Variants in SLIT2 observed in about 807,000 individuals in gnomAD.
The protein encoded by SLIT2 is slit homolog 2 protein.
In SLIT2, 41 loss-of-function variants were observed where a neutral mutation model predicts 185.7. That is an observed-to-expected ratio of 0.22 (90% CI 0.17 to 0.29). SLIT2 has a LOEUF of 0.29. Ranked by LOEUF, SLIT2 falls within the 10% of genes least tolerant of loss-of-function variation. The pLI is 1.00. For missense variants in SLIT2, 1,571 were observed against 1,909.0 expected (o/e 0.82, Z 3.30); for synonymous variants, 693 against 680.2 (o/e 1.02, Z -0.29).
At chr4:20,589,859 A>C in intron 30 of SLIT2, 122 bp downstream of exon 30, 2 of 563,774 alleles carry the variant, frequency 3.5e-6, no homozygotes, top group East Asian at 6.8e-5. Context: ...CCTATTCACT[A>C]GTATCAGTGA....
chr4:20,599,456 TA>T, intron 33 of SLIT2, among the ~76,000 whole-genome samples: 1 of 152,200 alleles, frequency 6.6e-6, no homozygotes, highest in East Asian at 1.9e-4. Flanking sequence ...TGCAAGAAAA[TA>T]ATATGCTCTC....
At chr4:20,353,412 T>C (rs1316453550) in intron 4 of SLIT2, among the ~76,000 whole-genome samples, 1 of 152,134 alleles carries the variant, frequency 6.6e-6, no homozygotes, top group Non-Finnish European at 1.5e-5. Flanking sequence ...GTATGAAACT[T>C]AATTGTGATA....
intron 25 of SLIT2, among the ~76,000 whole-genome samples, chr4:20,551,698 C>T (rs1723769876): frequency 6.6e-6 from 1 of 152,052 alleles, no homozygotes; most frequent in Admixed American, 6.6e-5. Context: ...GTCAGTTGTG[C>T]CCCAGTTTCC....
At chr4:20,483,878 TAC>T (rs1325131674) in intron 6 of SLIT2, among the ~76,000 whole-genome samples, 1 of 152,078 alleles carries the variant, frequency 6.6e-6, no homozygotes, top group East Asian at 1.9e-4. Context: ...AACCATAACA[TAC>T]ACAAGTAATC....
chr4:20,497,605 G>A (rs1207595341), intron 9 of SLIT2, among the ~76,000 whole-genome samples: 2 of 152,156 alleles, frequency 1.3e-5, no homozygotes, highest in South Asian at 2.1e-4. Flanking sequence ...CTATTACAAT[G>A]TCATCTTTCC....
At chr4:20,425,326 G>A (rs1276443930) in intron 4 of SLIT2, among the ~76,000 whole-genome samples, 2 of 151,704 alleles carry the variant, frequency 1.3e-5, no homozygotes, top group African/African-American at 4.8e-5. Flanking sequence ...AAAACTCATT[G>A]TCCACATTCC....
chr4:20,490,304 G>T (rs945280771), intron 8 of SLIT2, among the ~76,000 whole-genome samples: 3 of 152,028 alleles, frequency 2.0e-5, no homozygotes, highest in Non-Finnish European at 4.4e-5. Context: ...CTGTGAAAAA[G>T]AATATCCTTG....
chr4:20,536,671 G>A (rs34408454), intron 18 of SLIT2, among the ~76,000 whole-genome samples: 48,793 of 150,734 alleles, frequency 0.32, 8,057 homozygotes, highest in Middle Eastern at 0.43. Context: ...AGCTTACTGT[G>A]ACTTTTTTAC....
rs565106193 is a variant in SLIT2 at position 20,278,640 on chromosome 4, C to T, written c.395+9759C>T. ...AGTTGCAAGACAAAACAAACAAAAA[C>T]AAAAACAAAAAAAACACAAAACATT... On this transcript the variant is annotated intron_variant, in intron 4 of 36. Coordinates refer to ENST00000504154, the MANE Select transcript of SLIT2 (RefSeq NM_004787.4). Among the ~76,000 whole-genome samples the T allele has an allele frequency of 1.4e-3, 213 of 151,282 alleles. 1 individual carries two copies. Among genetic ancestry groups the T allele is most frequent in the Non-Finnish European group, 2.3e-3 (153 of 67,744 alleles).
chr4:20,311,114 C>T (rs1467511483), intron 4 of SLIT2, among the ~76,000 whole-genome samples: 2 of 152,218 alleles, frequency 1.3e-5, no homozygotes, highest in African/African-American at 4.8e-5. Flanking sequence ...GTCTCAAACT[C>T]TTGCCCTTAT....
chr4:20,355,610 GCACATATGAAATGAAA>G (rs1722255206), intron 4 of SLIT2, among the ~76,000 whole-genome samples: 1 of 152,086 alleles, frequency 6.6e-6, no homozygotes, highest in Non-Finnish European at 1.5e-5. Context: ...ATTGTATGAA[GCACATATGAAATGAAA>G]CCTTTGATTT....
At chr4:20,512,619 C>T (rs1379658) in intron 11 of SLIT2, among the ~76,000 whole-genome samples, 2,112 of 152,242 alleles carry the variant, frequency 0.014, 28 homozygotes, top group Non-Finnish European at 0.021. Context: ...ATCACCCAGT[C>T]AGATTGTCCA....
chr4:20,420,212 G>C lies in SLIT2; in HGVS notation c.396-47540G>C, dbSNP rs551770591. On this transcript the variant is annotated intron_variant, in intron 4 of 36. Coordinates refer to ENST00000504154, the MANE Select transcript of SLIT2 (RefSeq NM_004787.4). ...ATTTTTAGCAATAGGTTTTGGTTAG[G>C]GTCTTCTCTGTCCACATACTACAAC... Among the ~76,000 whole-genome samples the C allele has an allele frequency of 3.3e-5, 5 of 152,100 alleles. No individual in the cohort carries two copies. The East Asian group carries it at 7.7e-4, about 24-fold the overall frequency.
intron 21 of SLIT2, among the ~76,000 whole-genome samples, chr4:20,545,442 T>C (rs1723162465): frequency 1.4e-5 from 2 of 145,796 alleles, no homozygotes; most frequent in South Asian, 2.3e-4. Context: ...ATATGGTTAT[T>C]TGATTATTGC....
At chr4:20,432,513 A>G in intron 4 of SLIT2, among the ~76,000 whole-genome samples, 1 of 143,332 alleles carries the variant, frequency 7.0e-6, no homozygotes, top group Admixed American at 7.1e-5. Context: ...ATAGCTGCAG[A>G]CTGTCTGCCT....
chr4:20,500,431 A>T (rs1446715551), intron 9 of SLIT2, among the ~76,000 whole-genome samples: 1 of 152,110 alleles, frequency 6.6e-6, no homozygotes, highest in Non-Finnish European at 1.5e-5. Flanking sequence ...CTTCAAATCC[A>T]CTCACAAATT....
chr4:20,595,425 G>A (rs775068188), intron 30 of SLIT2, among the ~76,000 whole-genome samples: 4 of 151,666 alleles, frequency 2.6e-5, no homozygotes, highest in Non-Finnish European at 5.9e-5. Context: ...GTGGGAGGGA[G>A]TGACCCTGCT....
At chr4:20,363,778 A>C (rs897080119) in intron 4 of SLIT2, among the ~76,000 whole-genome samples, 3 of 152,098 alleles carry the variant, frequency 2.0e-5, no homozygotes, top group African/African-American at 7.2e-5. Context: ...ATTTAAATGT[A>C]AAATTTGATC....
At chr4:20,418,385 G>A (rs944735029) in intron 4 of SLIT2, among the ~76,000 whole-genome samples, 1 of 152,122 alleles carries the variant, frequency 6.6e-6, no homozygotes, top group African/African-American at 2.4e-5. Context: ...TTTTATGAAG[G>A]TATCTATGTA....
Sources: gnomAD v4.1 joint callset for allele counts (sites outside exome capture counted in the v4.1 genomes callset) on GRCh38, gnomAD v4.1.1 for gene constraint, MANE v1.5 for transcripts, NCBI Gene and HGNC (gene_info 2026-07-23, HGNC 2026-07-21) for gene names.